The following LEO1 variants were observed in gnomAD, a reference collection of about 807,000 sequenced individuals.
LEO1 encodes RNA polymerase-associated protein LEO1.
Under a neutral mutation model 80.4 loss-of-function variants are expected in LEO1, and 34 were observed. That is an observed-to-expected ratio of 0.42 (90% CI 0.32 to 0.56). The LOEUF is 0.56. LEO1 is among the 20% of genes least tolerant of loss of function. The pLI, the probability that LEO1 is intolerant of heterozygous loss-of-function variation, is 0.10. For missense variants in LEO1, 631 were observed against 814.2 expected (o/e 0.77, Z 2.74); for synonymous variants, 262 against 274.9 (o/e 0.95, Z 0.46).
At chr15:51,953,814 G>A (rs2056967170) in intron 7 of LEO1, among the ~76,000 whole-genome samples, 1 of 151,862 alleles carries the variant, frequency 6.6e-6, no homozygotes, top group East Asian at 1.9e-4. Flanking sequence ...ATGTCAATTT[G>A]TGGCTGGGCA....
rs761125197 is a variant in LEO1, at chr15:51,966,456, G to A, written c.107C>T (p.Ser36Phe). 2 of 1,613,356 alleles carry A rather than the reference G, an allele frequency of 1.2e-6. No homozygotes were observed. Among genetic ancestry groups the A allele is most frequent in the Non-Finnish European group, 1.7e-6 (2 of 1,179,496 alleles). Reference protein sequence around the residue: ...DSDSDQENAASGSNASGSESD... With the variant: ...DSDSDQENAAFGSNASGSESD... ...TTCACTTCCAGAGGCATTACTGCCA[G>A]AGGCAGCATTCTCTTGATCAGAATC... Residue 36 changes from serine to phenylalanine, a missense_variant, in exon 2 of 12, where the codon TCT (serine) becomes TTT (phenylalanine). By Grantham distance (155) the Ser-to-Phe change is radical (BLOSUM62 -2). This residue lies in a region of LEO1 where 394 missense variants were observed against 395.6 expected (regional missense o/e 1.00). Coordinates refer to ENST00000299601, the MANE Select transcript of LEO1 (RefSeq NM_138792.4).
At chr15:51,970,014 C>G (rs1324433917) in intron 1 of LEO1, among the ~76,000 whole-genome samples, 1 of 152,006 alleles carries the variant, frequency 6.6e-6, no homozygotes, top group Non-Finnish European at 1.5e-5. Flanking sequence ...TGGTGCATTG[C>G]TGGTGGTAAT....
At chr15:51,968,700 A>G (rs1223360855) in intron 1 of LEO1, among the ~76,000 whole-genome samples, 1 of 151,984 alleles carries the variant, frequency 6.6e-6, no homozygotes, top group African/African-American at 2.4e-5. Flanking sequence ...GTGGTGGTGC[A>G]TGCCTGTAGT....
intron 2 of LEO1, among the ~76,000 whole-genome samples, chr15:51,962,892 G>A (rs2057042511): frequency 6.6e-6 from 1 of 150,758 alleles, no homozygotes; most frequent in Admixed American, 6.7e-5. Context: ...CTATAGATAT[G>A]TTAACATGAA....
intron 2 of LEO1, among the ~76,000 whole-genome samples, chr15:51,963,284 A>G (rs1057155554): frequency 1.3e-5 from 2 of 152,276 alleles, no homozygotes; most frequent in Admixed American, 6.5e-5. Context: ...AAATAAATAA[A>G]TATACTGGCT....
Position 51,962,494 on chromosome 15 carries a change from C to T in LEO1, c.815-1G>A. On this transcript the variant is annotated splice_acceptor_variant, in intron 2 of 11. Coordinates refer to ENST00000299601, the MANE Select transcript of LEO1 (RefSeq NM_138792.4). LOFTEE classifies it high-confidence loss of function. ...TCACTATCACTGCCTCTTGCAGATT[C>T]TATAAGGGTAGAATTAGAAGTTCTG... 1 of 1,600,206 alleles carries T rather than the reference C, an allele frequency of 6.2e-7. No individual in the cohort carries two copies. Among genetic ancestry groups the T allele is most frequent in the South Asian group, 1.1e-5 (1 of 90,080 alleles).
At chr15:51,968,959 T>C (rs928310925) in intron 1 of LEO1, among the ~76,000 whole-genome samples, 1 of 152,172 alleles carries the variant, frequency 6.6e-6, no homozygotes, top group African/African-American at 2.4e-5. Context: ...ACCAATTTCT[T>C]TGTGTTTTTT....
At chr15:51,942,338 A>T (rs1281598304) in intron 11 of LEO1, among the ~76,000 whole-genome samples, 2 of 152,084 alleles carry the variant, frequency 1.3e-5, no homozygotes, top group African/African-American at 4.8e-5. Flanking sequence ...CTAGGTGGCC[A>T]TTCCCAAGAG....
intron 2 of LEO1, among the ~76,000 whole-genome samples, chr15:51,963,380 G>A (rs2057046975): frequency 1.3e-5 from 2 of 152,212 alleles, no homozygotes; most frequent in South Asian, 2.1e-4. Flanking sequence ...GGGAAAAAAA[G>A]GTAAAAAGAT....
chr15:51,949,658 C>G (rs1376472908), intron 10 of LEO1, 150 bp downstream of exon 10: 1 of 666,006 alleles, frequency 1.5e-6, no homozygotes, highest in Non-Finnish European at 2.6e-6. Flanking sequence ...CGAGATCACA[C>G]CACTGCACTC....
chr15:51,952,533 T>C (rs1026738511), intron 8 of LEO1, among the ~76,000 whole-genome samples: 2 of 152,114 alleles, frequency 1.3e-5, no homozygotes, highest in Non-Finnish European at 2.9e-5. Flanking sequence ...CCTCTAAAGA[T>C]AAGCATTACC....
chr15:51,965,633 G>T, intron 2 of LEO1, 116 bp downstream of exon 2: 1 of 1,371,190 alleles, frequency 7.3e-7, no homozygotes. Context: ...AAGTTTGAAA[G>T]GGAGGGGACA....
chr15:51,946,296 TCTC>T (rs1203499088), intron 11 of LEO1, among the ~76,000 whole-genome samples: 2 of 152,088 alleles, frequency 1.3e-5, no homozygotes, highest in African/African-American at 4.8e-5. Flanking sequence ...TTCAGGCAAT[TCTC>T]CTGCCTCAGT....
intron 11 of LEO1, among the ~76,000 whole-genome samples, chr15:51,942,786 G>A (rs1236561217): frequency 6.6e-6 from 1 of 152,026 alleles, no homozygotes; most frequent in Non-Finnish European, 1.5e-5. Context: ...GCTGGGCGTG[G>A]TGGCAGGTGC....
rs1043146674 is a variant in LEO1 at position 51,964,356 on chromosome 15, C to G, written c.814+1393G>C. 2.6e-5 allele frequency among the ~76,000 whole-genome samples: 4 copies of G among 151,940 alleles called. No homozygotes were observed. The East Asian group carries it at 7.7e-4, about 29-fold the overall frequency. ...ATAGGTGGGAACTGAGTAATGAAAA[C>G]AGTTGGACACAGGGCAGGGAACATC... On this transcript the variant is annotated intron_variant, in intron 2 of 11. Transcript: ENST00000299601.
chr15:51,939,946 T>A (rs2056834313), intron 11 of LEO1, among the ~76,000 whole-genome samples: 2 of 152,168 alleles, frequency 1.3e-5, no homozygotes, highest in Admixed American at 1.3e-4. Context: ...AGCTGTGAAA[T>A]TCTGCTTTAG....
In LEO1 at chr15:51,966,399, T is replaced by G; in HGVS notation, c.164A>C (p.Gln55Pro). 6.2e-7 allele frequency: 1 copy of G among 1,614,196 alleles called. No homozygotes were observed. Among genetic ancestry groups the G allele is most frequent in the Non-Finnish European group, 8.5e-7 (1 of 1,179,996 alleles). ...TCCAAACAGTTCCTTATTACTTGGT[T>G]GTCCTGAATCACCTCTTTCATCCTG... The part of the protein sequence containing the change: ...SDQDERGDSG[Q>P]PSNKELFGDD... The change falls in exon 2 of 12, where the codon CAA becomes CCA. Residue 55 changes from glutamine (Q) to proline (P), a missense_variant. Physicochemically the swap from Gln to Pro is moderately conservative, Grantham distance 76 (BLOSUM62 -1). Around this residue, in one of 4 missense-constraint regions of LEO1, gnomAD observed 394 missense variants for 395.6 expected, o/e 1.00. Coordinates refer to ENST00000299601, the MANE Select transcript of LEO1 (RefSeq NM_138792.4).
Position 51,962,404 on chromosome 15 carries a change from T to C in LEO1, c.904A>G (p.Thr302Ala). ...IASDSEADSD[T>A]EVPKDNSGTM... ...ATAGGGATACCTTTTGGCACCTCAG[T>C]GTCACTATCCGCTTCTGAATCAGAT... The change falls in exon 3 of 12, where the codon ACT becomes GCT. Residue 302 changes from threonine (T) to alanine (A), a missense_variant. This residue lies in a region of LEO1 where 394 missense variants were observed against 395.6 expected (regional missense o/e 1.00). Coordinates refer to ENST00000299601, the MANE Select transcript of LEO1 (RefSeq NM_138792.4). The C allele has an allele frequency of 6.2e-7, 1 of 1,611,348 alleles. No homozygotes were observed. Among genetic ancestry groups the C allele is most frequent in the Non-Finnish European group, 8.5e-7 (1 of 1,178,030 alleles).
At chr15:51,962,322 A>C in intron 3 of LEO1, 67 bp downstream of exon 3, 1 of 1,048,320 alleles carries the variant, frequency 9.5e-7, no homozygotes, top group Non-Finnish European at 1.4e-6. Flanking sequence ...TCAGGGTTAG[A>C]AATGCACTAC....
Sources: gnomAD v4.1 joint callset for allele counts (sites outside exome capture counted in the v4.1 genomes callset) on GRCh38, gnomAD v4.1.1 for gene constraint, gnomAD v4.1.1 regional missense constraint, MANE v1.5 for transcripts, NCBI Gene and HGNC (gene_info 2026-07-23, HGNC 2026-07-21) for gene names.